TULP4: variants seen among roughly 807,000 people sequenced by gnomAD.
The protein encoded by TULP4 is tubby-related protein 4.
TULP4 carries 16 observed loss-of-function variants against 129.0 expected under a neutral mutation model. That is an observed-to-expected ratio of 0.12 (90% confidence interval 0.08 to 0.19). The LOEUF (loss-of-function observed/expected upper bound fraction) is 0.19. TULP4 is among the 10% of genes least tolerant of loss of function. The pLI is 1.00. For synonymous variants in TULP4, 998 were observed against 854.0 expected, an observed-to-expected ratio of 1.17 and a Z score of -2.94; for missense variants, 1,842 against 2,059.1, an observed-to-expected ratio of 0.89 and a Z score of 2.04.
chr6:158,405,006 A>T (rs1462142161), intron 1 of TULP4, among the ~76,000 whole-genome samples: 1 of 152,184 alleles, frequency 6.6e-6, no homozygotes, highest in East Asian at 1.9e-4. Context: ...AAGTCTATGG[A>T]GAGAGTTTAA....
At chr6:158,444,436 G>A (rs75941429) in intron 3 of TULP4, among the ~76,000 whole-genome samples, 48 of 151,970 alleles carry the variant, frequency 3.2e-4, no homozygotes, top group Non-Finnish European at 6.3e-4. Flanking sequence ...CCAGCCTTCA[G>A]TCATAAAAGC....
intron 8 of TULP4, among the ~76,000 whole-genome samples, chr6:158,485,133 G>C (rs1780036353): frequency 6.6e-6 from 1 of 152,194 alleles, no homozygotes; most frequent in Non-Finnish European, 1.5e-5. Flanking sequence ...AGTAAACTGT[G>C]TTTACTGTTT....
intron 5 of TULP4, among the ~76,000 whole-genome samples, chr6:158,459,761 C>G (rs952789223): frequency 8.5e-5 from 13 of 152,172 alleles, no homozygotes; most frequent in African/African-American, 3.1e-4. Context: ...TCCTAAGAAG[C>G]TTGAGACACC....
rs1282942164 is a variant in TULP4 at position 158,497,182 on chromosome 6, A to G, written c.1871-1487A>G. 5.9e-5 allele frequency among the ~76,000 whole-genome samples: 9 copies of G among 152,238 alleles called. No homozygotes were observed. The East Asian group carries it at 1.7e-3, about 29-fold the overall frequency. The stretch of plus-strand genomic sequence containing the variant: ...CTTTTTAAAAATAGTATTTTGATCC[A>G]TAGAGCTACTTTGTCAAGGTAAAAG... On this transcript the variant is annotated intron_variant, in intron 11 of 13. Coordinates refer to ENST00000367097, the MANE Select transcript of TULP4 (RefSeq NM_020245.5).
chr6:158,423,259 G>C (rs1468958917), intron 2 of TULP4, among the ~76,000 whole-genome samples: 1 of 152,150 alleles, frequency 6.6e-6, no homozygotes, highest in Non-Finnish European at 1.5e-5. Flanking sequence ...AGATTTCTTA[G>C]ACTGGATGCA....
At chr6:158,395,699 A>C in intron 1 of TULP4, among the ~76,000 whole-genome samples, 1 of 142,714 alleles carries the variant, frequency 7.0e-6, no homozygotes, top group African/African-American at 2.7e-5. Context: ...AGCACCTGGG[A>C]TGGACTAGGG....
chr6:158,444,493 T>C (rs191784812), intron 3 of TULP4, among the ~76,000 whole-genome samples: 1 of 152,172 alleles, frequency 6.6e-6, no homozygotes, highest in Non-Finnish European at 1.5e-5. Flanking sequence ...GTTCCAATAC[T>C]ACAAATTAAA....
At chr6:158,326,313 A>AT (rs1408818115) in intron 1 of TULP4, among the ~76,000 whole-genome samples, 2 of 152,004 alleles carry the variant, frequency 1.3e-5, no homozygotes, top group Non-Finnish European at 2.9e-5. Flanking sequence ...TTATCAGTTC[A>AT]TTTTTTTGTT....
chr6:158,339,452 G>A (rs570524372), intron 1 of TULP4, among the ~76,000 whole-genome samples: 406 of 152,296 alleles, frequency 2.7e-3, no homozygotes, highest in African/African-American at 9.2e-3. Context: ...GAATTCGCCA[G>A]GCTGGAATTT....
At chr6:158,399,369 A>G (rs1777794194) in intron 1 of TULP4, among the ~76,000 whole-genome samples, 1 of 152,196 alleles carries the variant, frequency 6.6e-6, no homozygotes, top group African/African-American at 2.4e-5. Flanking sequence ...AATGATTTGG[A>G]CTTTTAGTTC....
intron 1 of TULP4, among the ~76,000 whole-genome samples, chr6:158,368,275 C>T (rs17501520): frequency 2.9e-3 from 442 of 152,006 alleles, no homozygotes; most frequent in Non-Finnish European, 5.0e-3. Context: ...TGATTTGTAT[C>T]GGAATTGAGT....
At position 158,313,388 on chromosome 6, in the gene TULP4, C is replaced by T. The variant is rs530280234; in HGVS notation, c.-629C>T. On this transcript the variant is annotated 5_prime_UTR_variant, in exon 1 of 14. It adds an upstream start codon to the 5' untranslated region. Transcript: ENST00000367097. Reference sequence around the variant, plus strand: ...TGCACAAACTCTGGTCTGTTTTGCACGGTTTGTGTGCCTTTTTTTCCCTTT... The same window carrying T: ...TGCACAAACTCTGGTCTGTTTTGCATGGTTTGTGTGCCTTTTTTTCCCTTT... 1.9e-4 allele frequency: 77 copies of T among 398,284 alleles called. No homozygotes were observed. Among genetic ancestry groups the T allele is most frequent in the African/African-American group, 1.3e-3 (64 of 48,700 alleles). 24.7% of individuals were successfully genotyped at this position (398,284 alleles called of 1,614,324 possible).
At chr6:158,296,404 A>G (rs1234320177) in intron 1 of TULP4, among the ~76,000 whole-genome samples, 1 of 152,154 alleles carries the variant, frequency 6.6e-6, no homozygotes, top group Non-Finnish European at 1.5e-5. Context: ...GTGACATCAC[A>G]TATTGGTAGG....
intron 1 of TULP4, among the ~76,000 whole-genome samples, chr6:158,366,871 G>A (rs1445582689): frequency 6.6e-5 from 10 of 152,122 alleles, no homozygotes; most frequent in African/African-American, 1.7e-4. Context: ...CTAAGTTGCC[G>A]TATACACAGC....
chr6:158,390,622 A>C (rs553503655), intron 1 of TULP4, among the ~76,000 whole-genome samples: 23 of 152,344 alleles, frequency 1.5e-4, no homozygotes, highest in Middle Eastern at 3.4e-3. Flanking sequence ...CAAGCAAATC[A>C]CAACAGGAAA....
chr6:158,491,449 T>TTTTTTGAGGAGTCTCGCTCTGTTG (rs1562589209), intron 9 of TULP4, among the ~76,000 whole-genome samples: 1 of 32,588 alleles, frequency 3.1e-5, no homozygotes, highest in Non-Finnish European at 5.0e-5. Context: ...TTCTTTTCTT[T>TTTTTTGAGGAGTCTCGCTCTGTTG]CTTTCTTTTC....
chr6:158,364,837 C>T (rs183634213), intron 1 of TULP4, among the ~76,000 whole-genome samples: 37 of 152,162 alleles, frequency 2.4e-4, no homozygotes, highest in South Asian at 1.0e-3. Context: ...CCCAGGTTGA[C>T]GCCATTCTCC....
Position 158,504,201 on chromosome 6 carries a change from G to A in TULP4, c.4515+23G>A, listed in dbSNP as rs1374714414. 2.1e-5 allele frequency: 32 copies of A among 1,515,402 alleles called. 1 individual carries two copies. The highest frequency in any genetic ancestry group is 1.1e-4 in the South Asian group (9 of 79,196). 93.9% of individuals were successfully genotyped at this position (1,515,402 alleles called of 1,614,324 possible). A position where few individuals can be genotyped will look rare whatever the true frequency, so the allele number is the denominator to read the frequency against. ...CAGGTAAGACCTCAGACCAGGTGGC[G>A]CTGCGAGCCCAGGAGGCGAGGGTTT... On this transcript the variant is annotated intron_variant, in intron 13 of 13. Transcript: ENST00000367097.
chr6:158,439,682 G>A (rs960089926), intron 3 of TULP4, among the ~76,000 whole-genome samples: 1 of 141,306 alleles, frequency 7.1e-6, no homozygotes, highest in Non-Finnish European at 1.5e-5. Context: ...TCTCATGTAA[G>A]CTCTTGTACT....
Sources: allele counts gnomAD v4.1 joint callset (sites outside exome capture counted in the v4.1 genomes callset), GRCh38; gene constraint gnomAD v4.1.1; transcripts MANE v1.5; gene names NCBI Gene and HGNC (gene_info 2026-07-23, HGNC 2026-07-21).